Variants in OLFM3 observed in about 807,000 individuals in gnomAD.
OLFM3 encodes the protein olfactomedin 3.
Under a neutral mutation model 48.6 loss-of-function variants are expected in OLFM3, and 20 were observed. The observed-to-expected ratio is 0.41, with a 90% CI of 0.29 to 0.60. The LOEUF (loss-of-function observed/expected upper bound fraction) is 0.60, where lower values mean the gene tolerates loss of function less well. Ranked by LOEUF, OLFM3 falls within the 20% of genes least tolerant of loss-of-function variation. The pLI, the probability that OLFM3 is intolerant of heterozygous loss-of-function variation, is 0.28. For missense variants in OLFM3, 437 were observed against 544.3 expected (o/e 0.80, Z 1.96); for synonymous variants, 222 against 198.1 (o/e 1.12, Z -1.01).
At chr1:101,884,965 T>C (rs181030262) in intron 1 of OLFM3, among the ~76,000 whole-genome samples, 44 of 152,104 alleles carry the variant, frequency 2.9e-4, no homozygotes, top group African/African-American at 8.9e-4. Context: ...TGTTACTCTA[T>C]GGGAAGTATT....
At chr1:101,819,819 T>A (rs563932734) in intron 4 of OLFM3, among the ~76,000 whole-genome samples, 2 of 152,214 alleles carry the variant, frequency 1.3e-5, no homozygotes, top group Non-Finnish European at 2.9e-5. Flanking sequence ...AACATGAATC[T>A]TTGGCAAGTT....
intron 1 of OLFM3, among the ~76,000 whole-genome samples, chr1:101,942,528 C>T (rs1231469101): frequency 6.6e-6 from 1 of 152,068 alleles, no homozygotes; most frequent in East Asian, 1.9e-4. Flanking sequence ...TCTAAGACAC[C>T]TCTTTGTATT....
At chr1:101,990,076 A>G (rs1009589493) in intron 1 of OLFM3, among the ~76,000 whole-genome samples, 5 of 152,174 alleles carry the variant, frequency 3.3e-5, no homozygotes, top group African/African-American at 1.2e-4. Flanking sequence ...CTTCTCCATG[A>G]TTAGTTTAAA....
chr1:101,830,919 C>G, intron 2 of OLFM3, 92 bp from the exon 3 acceptor site: 1 of 1,090,216 alleles, frequency 9.2e-7, no homozygotes, highest in Non-Finnish European at 1.3e-6. Flanking sequence ...AACATAAAAA[C>G]TAGAAGTGCC....
chr1:101,815,877 G>C (rs1255512211), intron 4 of OLFM3, among the ~76,000 whole-genome samples: 2 of 152,088 alleles, frequency 1.3e-5, no homozygotes, highest in Non-Finnish European at 2.9e-5. Context: ...TGAAAGCCAG[G>C]GGCTACATAT....
intron 1 of OLFM3, among the ~76,000 whole-genome samples, chr1:101,863,601 G>C (rs1656742732): frequency 6.6e-6 from 1 of 152,100 alleles, no homozygotes; most frequent in Admixed American, 6.5e-5. Context: ...TGTGTGATGA[G>C]CCTAGATCAG....
chr1:101,804,513 C>T lies in OLFM3; in HGVS notation c.1102G>A (p.Gly368Ser), dbSNP rs748688874. Residue 368 changes from glycine to serine, a missense_variant, in exon 6 of 6, where the codon GGC becomes AGC. Transcript: ENST00000370103. This position sits in a 1 kb window ranked among gnomAD's most constrained non-coding sequence, Gnocchi z 4.5. ...TCCCCTGCACTTCTCTTGGGGTAGC[C>T]AGTGCTCCAGCTCTTCATCACCTCC... The part of the protein sequence containing the change: ...TLEVMKSWST[G>S]YPKRSAGESF... The T allele has an allele frequency of 1.9e-6, 3 of 1,612,658 alleles. No individual in the cohort carries two copies. The Admixed American group carries it at 5.0e-5, about 27-fold the overall frequency.
chr1:101,834,243 C>T (rs1450273906), intron 2 of OLFM3, among the ~76,000 whole-genome samples: 2 of 152,100 alleles, frequency 1.3e-5, no homozygotes, highest in Admixed American at 1.3e-4. Flanking sequence ...GATTGAGTGA[C>T]AATGGAAAGT....
At chr1:101,888,837 C>T (rs566709491) in intron 1 of OLFM3, among the ~76,000 whole-genome samples, 75 of 152,196 alleles carry the variant, frequency 4.9e-4, no homozygotes, top group South Asian at 1.5e-3. Context: ...AAAAAGTGGG[C>T]AAAGGATATG....
chr1:101,922,139 T>C (rs537963537), intron 1 of OLFM3, among the ~76,000 whole-genome samples: 1 of 152,316 alleles, frequency 6.6e-6, no homozygotes, highest in South Asian at 2.1e-4. Context: ...TTGCCTTATG[T>C]GAAACCAACT....
chr1:101,944,296 C>A (rs1659888428), intron 1 of OLFM3, among the ~76,000 whole-genome samples: 1 of 152,070 alleles, frequency 6.6e-6, no homozygotes. Context: ...AAAATTTACA[C>A]CTAAAGGCTC....
At chr1:101,849,061 G>T (rs1191067654) in intron 1 of OLFM3, among the ~76,000 whole-genome samples, 9 of 152,250 alleles carry the variant, frequency 5.9e-5, no homozygotes, top group Middle Eastern at 3.4e-3. Context: ...CTACACTAAA[G>T]AATTGAAGTA....
At chr1:101,855,991 A>C (rs888276195) in intron 1 of OLFM3, among the ~76,000 whole-genome samples, 5 of 151,976 alleles carry the variant, frequency 3.3e-5, no homozygotes, top group African/African-American at 9.7e-5. Context: ...CAGGTACCAA[A>C]AATCTGGTGG....
rs902689323 is a variant in OLFM3 at position 101,877,015 on chromosome 1, A to G, written c.70-39990T>C. Among the ~76,000 whole-genome samples, 6 of 152,094 alleles carry G rather than the reference A, an allele frequency of 3.9e-5. No homozygotes were observed. In the South Asian group the frequency reaches 6.2e-4, roughly 16 times the overall value. On this transcript the variant is annotated intron_variant, in intron 1 of 5. Coordinates refer to ENST00000370103, the MANE Select transcript of OLFM3 (RefSeq NM_058170.4). ...AACCTACTCACACAATATCTGAAACATACTTGTTGGTGAATGGATCCTTCA... is the reference window on the plus strand; with the variant it reads ...AACCTACTCACACAATATCTGAAACGTACTTGTTGGTGAATGGATCCTTCA...
At chr1:101,932,856 C>T (rs1659485296) in intron 1 of OLFM3, among the ~76,000 whole-genome samples, 1 of 151,928 alleles carries the variant, frequency 6.6e-6, no homozygotes, top group South Asian at 2.1e-4. Context: ...CAAAGATCAT[C>T]AACATTCAAG....
intron 1 of OLFM3, among the ~76,000 whole-genome samples, chr1:101,927,579 T>C (rs1659310723): frequency 6.6e-6 from 1 of 151,900 alleles, no homozygotes; most frequent in African/African-American, 2.4e-5. Flanking sequence ...AAGGTCTTGT[T>C]CCCAAACCTC....
chr1:101,844,894 G>C (rs796695591), intron 1 of OLFM3, among the ~76,000 whole-genome samples: 5 of 152,028 alleles, frequency 3.3e-5, no homozygotes, highest in African/African-American at 1.2e-4. Flanking sequence ...CACCTTTCTA[G>C]CATTAACATT....
At chr1:101,892,771 A>G (rs1028185640) in intron 1 of OLFM3, among the ~76,000 whole-genome samples, 2 of 152,074 alleles carry the variant, frequency 1.3e-5, no homozygotes, top group Non-Finnish European at 2.9e-5. Context: ...GCATTATCGT[A>G]GCCTGGGCAA....
chr1:101,956,509 T>G (rs1194279498), intron 1 of OLFM3, among the ~76,000 whole-genome samples: 4 of 152,024 alleles, frequency 2.6e-5, no homozygotes, highest in African/African-American at 4.8e-5. Flanking sequence ...AAATATCTAT[T>G]TCTCTTCCAA....
Sources: gnomAD v4.1 joint callset for allele counts (sites outside exome capture counted in the v4.1 genomes callset) on GRCh38, gnomAD v4.1.1 for gene constraint, Gnocchi (gnomAD v3.1) non-coding constraint, MANE v1.5 for transcripts, NCBI Gene and HGNC (gene_info 2026-07-23, HGNC 2026-07-21) for gene names.